Variants in HIKESHI observed in about 807,000 individuals in gnomAD.
The protein encoded by HIKESHI is heat shock protein nuclear import factor hikeshi, also known as protein Hikeshi.
Under a neutral mutation model 25.7 loss-of-function variants are expected in HIKESHI, and 13 were observed. That is an observed-to-expected ratio of 0.51 (90% CI 0.33 to 0.80). The LOEUF is 0.80. Ranked by LOEUF, HIKESHI falls within the 30% of genes least tolerant of loss-of-function variation. The probability of loss-of-function intolerance (pLI) is 0.02; values close to 1 mark genes in which losing one functional copy is unlikely to be tolerated. For synonymous variants in HIKESHI, 76 were observed against 78.7 expected (o/e 0.97, Z 0.18); for missense variants, 174 against 229.5 (o/e 0.76, Z 1.56).
intron 2 of HIKESHI, among the ~76,000 whole-genome samples, chr11:86,319,596 C>A (rs1023752724): frequency 4.1e-5 from 6 of 148,134 alleles, no homozygotes; most frequent in African/African-American, 1.5e-4. Context: ...TATCTGTAAT[C>A]AGTGTTCAAA....
chr11:86,339,085 G>A (rs570672305), intron 3 of HIKESHI, among the ~76,000 whole-genome samples: 11 of 151,808 alleles, frequency 7.2e-5, no homozygotes, highest in African/African-American at 2.2e-4. Context: ...TCACTCTGTC[G>A]CCCAGGCTGG....
chr11:86,319,459 G>A (rs961590748), intron 2 of HIKESHI, among the ~76,000 whole-genome samples: 1 of 150,118 alleles, frequency 6.7e-6, no homozygotes, highest in Admixed American at 6.7e-5. Flanking sequence ...GTTTTGCCAT[G>A]CTGCCCAGGC....
intron 3 of HIKESHI, among the ~76,000 whole-genome samples, chr11:86,342,369 A>G (rs1947754493): frequency 6.6e-6 from 1 of 152,020 alleles, no homozygotes; most frequent in African/African-American, 2.4e-5. Context: ...GATATACTAT[A>G]TTTGTATATA....
chr11:86,305,864 C>G (rs1593799645), intron 1 of HIKESHI, among the ~76,000 whole-genome samples: 1 of 152,068 alleles, frequency 6.6e-6, no homozygotes, highest in Non-Finnish European at 1.5e-5. Flanking sequence ...CCTCAGCCTC[C>G]CGAGTAGCTG....
chr11:86,320,966 A>C (rs1228116326), intron 2 of HIKESHI, among the ~76,000 whole-genome samples: 1 of 151,970 alleles, frequency 6.6e-6, no homozygotes, highest in East Asian at 1.9e-4. Context: ...ACAGAGTCTC[A>C]CACTGTTGCT....
intron 1 of HIKESHI, 140 bp downstream of exon 1, chr11:86,302,618 G>C: frequency 1.1e-6 from 1 of 888,628 alleles, no homozygotes; most frequent in Non-Finnish European, 1.7e-6. Context: ...GATGGAGCGT[G>C]GGAAGCTGGG....
At chr11:86,310,294 T>C (rs1164752371) in intron 2 of HIKESHI, among the ~76,000 whole-genome samples, 1 of 151,058 alleles carries the variant, frequency 6.6e-6, no homozygotes, top group Non-Finnish European at 1.5e-5. Flanking sequence ...CCCTTGTAAG[T>C]TGGATTCCTA....
At chr11:86,314,229 G>A (rs1488135156) in intron 2 of HIKESHI, among the ~76,000 whole-genome samples, 1 of 152,122 alleles carries the variant, frequency 6.6e-6, no homozygotes, top group Non-Finnish European at 1.5e-5. Flanking sequence ...ATTTTATTTT[G>A]CTCTGAGGCG....
At chr11:86,339,853 G>A (rs1301818543) in intron 3 of HIKESHI, among the ~76,000 whole-genome samples, 1 of 151,962 alleles carries the variant, frequency 6.6e-6, no homozygotes, top group Non-Finnish European at 1.5e-5. Flanking sequence ...CTATTAACTC[G>A]TCATTTACAT....
chr11:86,323,315 T>C (rs1565732149), intron 2 of HIKESHI, among the ~76,000 whole-genome samples: 1 of 152,220 alleles, frequency 6.6e-6, no homozygotes, highest in Admixed American at 6.5e-5. Flanking sequence ...GATACTTTTA[T>C]AGTTTTTTTG....
intron 2 of HIKESHI, among the ~76,000 whole-genome samples, chr11:86,313,185 A>T (rs1946879947): frequency 6.6e-6 from 1 of 152,174 alleles, no homozygotes; most frequent in Non-Finnish European, 1.5e-5. Flanking sequence ...TTCCCTTGAA[A>T]ATCTAGATGA....
intron 2 of HIKESHI, among the ~76,000 whole-genome samples, chr11:86,333,123 G>A (rs969560517): frequency 2.0e-5 from 3 of 152,296 alleles, no homozygotes; most frequent in Admixed American, 6.5e-5. Context: ...CACTGATGAC[G>A]ATGGTAAAGT....
At chr11:86,326,342 C>G (rs1427398840) in intron 2 of HIKESHI, among the ~76,000 whole-genome samples, 1 of 152,006 alleles carries the variant, frequency 6.6e-6, no homozygotes, top group Non-Finnish European at 1.5e-5. Context: ...AAAGTGGGAA[C>G]CTGCAGGTAC....
intron 2 of HIKESHI, among the ~76,000 whole-genome samples, chr11:86,317,525 C>T (rs1041546312): frequency 1.3e-5 from 2 of 152,152 alleles, no homozygotes; most frequent in African/African-American, 4.8e-5. Flanking sequence ...GAATCAAGGG[C>T]TGGGTGTGGT....
chr11:86,305,865 C>T (rs1015309903), intron 1 of HIKESHI, among the ~76,000 whole-genome samples: 7 of 152,018 alleles, frequency 4.6e-5, no homozygotes, highest in African/African-American at 7.3e-5. Flanking sequence ...CTCAGCCTCC[C>T]GAGTAGCTGG....
At chr11:86,308,283 ATATATATTACATAT>A (rs1353254676) in intron 2 of HIKESHI, among the ~76,000 whole-genome samples, 70 of 104,728 alleles carry the variant, frequency 6.7e-4, no homozygotes, top group African/African-American at 2.6e-3. Context: ...TATATATAAA[ATATATATTACATAT>A]AATATATATT....
intron 2 of HIKESHI, among the ~76,000 whole-genome samples, chr11:86,316,768 A>ATTATT (rs1946991169): frequency 1.2e-5 from 1 of 83,494 alleles, no homozygotes; most frequent in Admixed American, 1.3e-4. Flanking sequence ...AATCTGAAAC[A>ATTATT]TTCTTTTTTT....
chr11:86,317,963 G>A (rs574850956), intron 2 of HIKESHI, among the ~76,000 whole-genome samples: 1 of 152,120 alleles, frequency 6.6e-6, no homozygotes, highest in African/African-American at 2.4e-5. Flanking sequence ...CTATTTTCTA[G>A]AAGAATATAC....
intron 1 of HIKESHI, among the ~76,000 whole-genome samples, chr11:86,304,815 CT>C (rs775031093): frequency 8.5e-5 from 13 of 152,212 alleles, no homozygotes; most frequent in Non-Finnish European, 1.6e-4. Flanking sequence ...TGTGCCAGGC[CT>C]ACAACTCACA....
Sources: gnomAD v4.1 joint callset for allele counts (sites outside exome capture counted in the v4.1 genomes callset) on GRCh38, gnomAD v4.1.1 for gene constraint, MANE v1.5 for transcripts, NCBI Gene and HGNC (gene_info 2026-07-23, HGNC 2026-07-21) for gene names.